CORO2A: variants seen among roughly 807,000 people sequenced by gnomAD.
The protein encoded by CORO2A is coronin 2A, also known as coronin-2A.
In CORO2A, 47 loss-of-function variants were observed where a neutral mutation model predicts 62.4. That is an observed-to-expected ratio of 0.75 (90% CI 0.60 to 0.96). The LOEUF is 0.96. Among genes scored for constraint, CORO2A ranks in the 40% least tolerant of loss-of-function variants. CORO2A has a pLI of 0.00. For synonymous variants in CORO2A, 273 were observed against 268.9 expected (o/e 1.02, Z -0.15); for missense variants, 610 against 684.1 (o/e 0.89, Z 1.21).
chr9:98,174,655 G>A (rs1048354980), intron 1 of CORO2A, among the ~76,000 whole-genome samples: 10 of 152,160 alleles, frequency 6.6e-5, no homozygotes, highest in African/African-American at 2.4e-4. Context: ...GAGTTCTCAT[G>A]AGATCTGATG....
At chr9:98,138,928 TC>T (rs998783007) in intron 2 of CORO2A, among the ~76,000 whole-genome samples, 1 of 151,242 alleles carries the variant, frequency 6.6e-6, no homozygotes, top group Admixed American at 6.6e-5. Context: ...ACGCCTGTAG[TC>T]CCAGCTACTC....
chr9:98,140,009 C>T (rs1827544336), intron 2 of CORO2A, among the ~76,000 whole-genome samples: 1 of 152,104 alleles, frequency 6.6e-6, no homozygotes, highest in Non-Finnish European at 1.5e-5. Flanking sequence ...AGAGAAACCA[C>T]ACCAGTTCAG....
chr9:98,188,638 C>T (rs1828267231), intron 1 of CORO2A, among the ~76,000 whole-genome samples: 1 of 152,126 alleles, frequency 6.6e-6, no homozygotes, highest in East Asian at 1.9e-4. Context: ...GTGGCACGCA[C>T]CTGTAATCCC....
At chr9:98,157,247 G>A (rs1471389420) in intron 2 of CORO2A, 4 of 529,980 alleles carry the variant, frequency 7.5e-6, no homozygotes, top group Admixed American at 3.5e-5. Flanking sequence ...GAGGTGCTAC[G>A]AGTAGCTAAG....
At position 98,184,777 on chromosome 9, in the gene CORO2A, G is replaced by A. The variant is rs549290293; in HGVS notation, c.-1+7782C>T. ...AATCAAGGGGTGTGTGGTTAATGGCGGCTGTCTGTCTCTGTCCGATTTGAT... is the reference window on the plus strand; with the variant it reads ...AATCAAGGGGTGTGTGGTTAATGGCAGCTGTCTGTCTCTGTCCGATTTGAT... On this transcript the variant is annotated intron_variant, in intron 1 of 11. Coordinates refer to ENST00000375077, the MANE Select transcript of CORO2A (RefSeq NM_052820.4). Among the ~76,000 whole-genome samples, 334 of 152,236 alleles carry A rather than the reference G, an allele frequency of 2.2e-3. 3 individuals carry two copies. The highest frequency in any genetic ancestry group is 7.7e-3 in the African/African-American group (321 of 41,544).
At chr9:98,131,204 C>T (rs538522157) in intron 6 of CORO2A, 145 bp from the exon 7 acceptor site, 29 of 606,646 alleles carry the variant, frequency 4.8e-5, no homozygotes, top group Non-Finnish European at 7.2e-5. Context: ...TATGTGTGTG[C>T]GGGGGGAAGA....
intron 3 of CORO2A, among the ~76,000 whole-genome samples, chr9:98,135,912 G>A (rs1430838501): frequency 6.6e-6 from 1 of 152,174 alleles, no homozygotes; most frequent in Non-Finnish European, 1.5e-5. Context: ...GACACACTCT[G>A]AAGAGGTATG....
intron 2 of CORO2A, among the ~76,000 whole-genome samples, chr9:98,139,673 G>A (rs560904589): frequency 6.6e-6 from 1 of 152,272 alleles, no homozygotes; most frequent in South Asian, 2.1e-4. Flanking sequence ...TCGCACACCT[G>A]TAGTTCCAGC....
intron 11 of CORO2A, 71 bp downstream of exon 11, chr9:98,126,478 T>A (rs1300290538): frequency 6.5e-7 from 1 of 1,545,544 alleles, no homozygotes; most frequent in Admixed American, 1.9e-5. Flanking sequence ...TCTCCCTTCT[T>A]CTCAGCCTGG....
chr9:98,134,044 G>C (rs907828603), intron 4 of CORO2A, among the ~76,000 whole-genome samples: 5 of 152,128 alleles, frequency 3.3e-5, no homozygotes, highest in Non-Finnish European at 5.9e-5. Flanking sequence ...GAGCCACCAT[G>C]TCCGGCCCCC....
At chr9:98,165,086 A>G (rs919939862) in intron 1 of CORO2A, among the ~76,000 whole-genome samples, 2 of 151,948 alleles carry the variant, frequency 1.3e-5, no homozygotes, top group African/African-American at 4.8e-5. Context: ...CTCTGGCTTC[A>G]GCCTCCTGCA....
chr9:98,192,072 C>G (rs537703644), intron 1 of CORO2A, among the ~76,000 whole-genome samples: 2 of 152,184 alleles, frequency 1.3e-5, no homozygotes, highest in Non-Finnish European at 2.9e-5. Context: ...GGCGGGGACC[C>G]GGGGATGCCC....
At chr9:98,178,624 TGGAGACTCCTGGACCACATGAGACA>T (rs1004918262) in intron 1 of CORO2A, among the ~76,000 whole-genome samples, 8 of 152,272 alleles carry the variant, frequency 5.3e-5, no homozygotes, top group African/African-American at 7.2e-5. Flanking sequence ...CCCTTCTCTC[TGGAGACTCCTGGACCACATGAGACA>T]GGAGACTCCT....
At chr9:98,157,754 G>C in intron 1 of CORO2A, 94 bp from the exon 2 acceptor site, 2 of 1,190,340 alleles carry the variant, frequency 1.7e-6, no homozygotes, top group Admixed American at 2.0e-5. Context: ...AAGAGGGTAC[G>C]AGCAGGACAG....
At chr9:98,158,219 G>C (rs1852626937) in intron 1 of CORO2A, among the ~76,000 whole-genome samples, 1 of 152,194 alleles carries the variant, frequency 6.6e-6, no homozygotes, top group Admixed American at 6.5e-5. Context: ...GCCAAGGCAG[G>C]AGGACTGATT....
At chr9:98,178,090 A>T (rs990625471) in intron 1 of CORO2A, among the ~76,000 whole-genome samples, 2 of 152,110 alleles carry the variant, frequency 1.3e-5, no homozygotes, top group Non-Finnish European at 2.9e-5. Flanking sequence ...TCTGTCGCCT[A>T]GGCTGGAGTG....
intron 1 of CORO2A, among the ~76,000 whole-genome samples, chr9:98,173,118 AAC>A (rs1247211049): frequency 6.6e-6 from 1 of 152,218 alleles, no homozygotes; most frequent in African/African-American, 2.4e-5. Flanking sequence ...TAGCCTGGGC[AAC>A]ACAGTGATTC....
chr9:98,181,641 T>C (rs1828179162), intron 1 of CORO2A, among the ~76,000 whole-genome samples: 1 of 152,060 alleles, frequency 6.6e-6, no homozygotes, highest in African/African-American at 2.4e-5. Context: ...GTGCTTTCAG[T>C]TCTTCAAAGT....
intron 2 of CORO2A, among the ~76,000 whole-genome samples, chr9:98,145,139 A>C (rs1827625360): frequency 6.6e-6 from 1 of 152,158 alleles, no homozygotes; most frequent in Non-Finnish European, 1.5e-5. Flanking sequence ...GTAGAATCCA[A>C]CATCCAGGGA....
Sources: gnomAD v4.1 joint callset for allele counts (sites outside exome capture counted in the v4.1 genomes callset) on GRCh38, gnomAD v4.1.1 for gene constraint, MANE v1.5 for transcripts, NCBI Gene and HGNC (gene_info 2026-07-23, HGNC 2026-07-21) for gene names.